Variants in APBA1 observed in about 807,000 individuals in gnomAD.
APBA1 encodes amyloid-beta A4 precursor protein-binding family A member 1.
A neutral mutation model predicts 86.6 loss-of-function variants in APBA1; 55 were observed. The ratio of observed to expected loss-of-function variants is 0.64; its 90% confidence interval spans 0.51 to 0.80. The LOEUF is 0.80. APBA1 is among the 30% of genes least tolerant of loss of function. The pLI is 0.00. For synonymous variants in APBA1, 511 were observed against 493.9 expected, an observed-to-expected ratio of 1.03 and a Z score of -0.46; for missense variants, 1,090 against 1,183.0, an observed-to-expected ratio of 0.92 and a Z score of 1.15.
At chr9:69,518,139 C>T (rs375771778) in intron 1 of APBA1, among the ~76,000 whole-genome samples, 7 of 152,252 alleles carry the variant, frequency 4.6e-5, no homozygotes, top group East Asian at 1.9e-4. Context: ...AAATATCCAA[C>T]ACAATACAAC....
At chr9:69,565,990 C>A (rs868750593) in intron 1 of APBA1, among the ~76,000 whole-genome samples, 1 of 152,220 alleles carries the variant, frequency 6.6e-6, no homozygotes, top group Non-Finnish European at 1.5e-5. Context: ...ACCGACCAAC[C>A]CAGTTTCATC....
At chr9:69,441,863 A>C (rs909385748) in intron 10 of APBA1, among the ~76,000 whole-genome samples, 2 of 152,208 alleles carry the variant, frequency 1.3e-5, no homozygotes, top group Non-Finnish European at 2.9e-5. Context: ...ATCTTCGACT[A>C]TAAAAAGGAA....
chr9:69,516,479 G>A lies in APBA1; in HGVS notation c.732C>T (p.Gly244=), dbSNP rs201766437. 10 of 1,600,004 alleles carry A rather than the reference G, an allele frequency of 6.2e-6. No individual in the cohort carries two copies. The highest frequency in any genetic ancestry group is 3.3e-5 in the South Asian group (3 of 90,830). ...CCTCCTTCTCGGGGCTGTCGGACTC[G>A]CCGTCGGAGCGCTCGTCGTAATGGT... The part of the protein sequence containing the change: ...RLHHYDERSD[G]ESDSPEKEAE... The change falls in exon 2 of 13, where the codon GGC becomes GGT. Residue 244 remains glycine, a synonymous_variant. Coordinates refer to ENST00000265381, the MANE Select transcript of APBA1 (RefSeq NM_001163.4). The surrounding 1 kb of genome is among the most constrained non-coding windows in gnomAD (Gnocchi z 7.3).
chr9:69,557,196 G>A (rs1477346964), intron 1 of APBA1, among the ~76,000 whole-genome samples: 2 of 152,126 alleles, frequency 1.3e-5, no homozygotes, highest in African/African-American at 4.8e-5. Flanking sequence ...TAATCTTCCT[G>A]ATAAAGCCTG....
chr9:69,614,237 T>C (rs1024491044), intron 1 of APBA1, among the ~76,000 whole-genome samples: 1 of 152,196 alleles, frequency 6.6e-6, no homozygotes, highest in African/African-American at 2.4e-5. Flanking sequence ...TTCCCCAGCA[T>C]CAAAATTCTA....
chr9:69,600,783 G>A (rs1329079680), intron 1 of APBA1, among the ~76,000 whole-genome samples: 1 of 149,486 alleles, frequency 6.7e-6, no homozygotes, highest in Non-Finnish European at 1.5e-5. Context: ...GGGCAACAGA[G>A]AAGACTTCGT....
intron 1 of APBA1, among the ~76,000 whole-genome samples, chr9:69,617,713 A>C (rs1822730871): frequency 6.6e-6 from 1 of 152,194 alleles, no homozygotes; most frequent in African/African-American, 2.4e-5. Context: ...ACAACTGTCA[A>C]CACCAAATTT....
chr9:69,483,210 G>A (rs887975860), intron 2 of APBA1, among the ~76,000 whole-genome samples: 6 of 151,372 alleles, frequency 4.0e-5, no homozygotes, highest in Middle Eastern at 3.4e-3. Flanking sequence ...GGAAGGCTGC[G>A]CTGCTTCACA....
rs1422137137 is a variant in APBA1 at position 69,467,832 on chromosome 9, G to C, written c.1473C>G (p.Ser491Arg). 1 of 1,614,046 alleles carries C rather than the reference G, an allele frequency of 6.2e-7. No homozygotes were observed. Among genetic ancestry groups the C allele is most frequent in the Non-Finnish European group, 8.5e-7 (1 of 1,180,024 alleles). ...ACCCAGATGTCCTCACCTTGATCCTGCTTACGGCTTCCTGGGCCTGCATCA... is the reference window on the plus strand; with the variant it reads ...ACCCAGATGTCCTCACCTTGATCCTCCTTACGGCTTCCTGGGCCTGCATCA... ...VRMMQAQEAV[S>R]RIKMAQKLAK... Residue 491 changes from serine (S) to arginine (R), a missense_variant, in exon 5 of 13, where the codon AGC (serine) becomes AGG (arginine). Ser to Arg is a moderately radical substitution (Grantham distance 110). This residue lies in a region of APBA1 where 76 missense variants were observed against 122.2 expected (regional missense o/e 0.62). Transcript: ENST00000265381.
intron 1 of APBA1, among the ~76,000 whole-genome samples, chr9:69,565,572 C>T (rs1473911975): frequency 6.6e-6 from 1 of 152,198 alleles, no homozygotes; most frequent in Non-Finnish European, 1.5e-5. Context: ...CTACTCCCAT[C>T]GCATTTCTCT....
rs1184781209 is a variant in APBA1 at position 69,517,230 on chromosome 9, A to C, written c.-20T>G. 5 of 1,448,386 alleles carry C rather than the reference A, an allele frequency of 3.5e-6. No homozygotes were observed. Among genetic ancestry groups the C allele is most frequent in the Non-Finnish European group, 4.5e-6 (5 of 1,100,828 alleles). The allele number at this position is 1,448,386 out of a possible 1,614,324, so 89.7% of individuals were successfully genotyped here. ...GTTCATGGTGGGAGTCGGAACGGCT[A>C]GGAGAGAAGCTGGGCCCGGCTCACT... On this transcript the variant is annotated 5_prime_UTR_variant, in exon 2 of 13. Transcript: ENST00000265381.
chr9:69,650,357 T>A (rs1055654721), intron 1 of APBA1, among the ~76,000 whole-genome samples: 1 of 152,352 alleles, frequency 6.6e-6, no homozygotes, highest in East Asian at 1.9e-4. Flanking sequence ...TGTTACTTGG[T>A]GTTTTAAAGA....
intron 1 of APBA1, among the ~76,000 whole-genome samples, chr9:69,547,429 C>T (rs1424379561): frequency 6.6e-6 from 1 of 152,134 alleles, no homozygotes; most frequent in Non-Finnish European, 1.5e-5. Flanking sequence ...CCCTAGAATC[C>T]CCATCTAGTG....
Position 69,456,273 on chromosome 9 carries a change from T to C in APBA1, c.1762A>G (p.Ile588Val). 1 of 1,614,210 alleles carries C rather than the reference T, an allele frequency of 6.2e-7. No individual in the cohort carries two copies. The highest frequency in any genetic ancestry group is 2.2e-5 in the East Asian group (1 of 44,886). ...SQDGKRQYKM[I>V]CHVFESEDAQ... ...TCCTCAGACTCGAAGACGTGGCAGATCATCTTGTACTGCCTTTTCCCATCC... is the reference window on the plus strand; with the variant it reads ...TCCTCAGACTCGAAGACGTGGCAGACCATCTTGTACTGCCTTTTCCCATCC... Residue 588 changes from isoleucine to valine, a missense_variant, in exon 8 of 13, where the codon ATC (isoleucine) becomes GTC (valine). Coordinates refer to ENST00000265381, the MANE Select transcript of APBA1 (RefSeq NM_001163.4).
chr9:69,640,894 G>A (rs1283230786), intron 1 of APBA1, among the ~76,000 whole-genome samples: 1 of 150,868 alleles, frequency 6.6e-6, no homozygotes, highest in Non-Finnish European at 1.5e-5. Context: ...CCTAGCCCAT[G>A]TAATAAGGAA....
Position 69,476,121 on chromosome 9 carries a change from GA to G in APBA1, c.1222del (p.Ser408ProfsTer48). 1 of 1,613,932 alleles carries G rather than the reference GA, an allele frequency of 6.2e-7. No homozygotes were observed. Reference sequence around the variant, plus strand: ...GCTTGATGACTCTGCACCCAAGGGGGAGGAGCTGCCAGGAGACGGAGACTAG... The same window carrying G: ...GCTTGATGACTCTGCACCCAAGGGGGGGAGCTGCCAGGAGACGGAGACTAG... The part of the protein sequence containing the change: ...DGDSPSPGSS[S>X]PLGAESSSTS... On this transcript the variant is annotated frameshift_variant, in exon 3 of 13. Transcript: ENST00000265381. LOFTEE classifies it high-confidence loss of function.
intron 1 of APBA1, among the ~76,000 whole-genome samples, chr9:69,617,354 T>C (rs1822721810): frequency 6.6e-6 from 1 of 152,096 alleles, no homozygotes; most frequent in Non-Finnish European, 1.5e-5. Flanking sequence ...GTGACTTCCA[T>C]AAGCTGAATA....
At chr9:69,631,362 T>C (rs1039932696) in intron 1 of APBA1, among the ~76,000 whole-genome samples, 3 of 152,128 alleles carry the variant, frequency 2.0e-5, no homozygotes, top group African/African-American at 7.2e-5. Context: ...TGAGATACCA[T>C]CTCACACCAG....
chr9:69,640,908 G>T (rs949492484), intron 1 of APBA1, among the ~76,000 whole-genome samples: 6 of 150,192 alleles, frequency 4.0e-5, no homozygotes, highest in Non-Finnish European at 7.4e-5. Context: ...TAAGGAAAGA[G>T]GAGAGGGGAG....
Sources: allele counts gnomAD v4.1 joint callset (sites outside exome capture counted in the v4.1 genomes callset), GRCh38; gene constraint gnomAD v4.1.1; regional missense constraint gnomAD v4.1.1; non-coding constraint Gnocchi (gnomAD v3.1); transcripts MANE v1.5; gene names NCBI Gene and HGNC (gene_info 2026-07-23, HGNC 2026-07-21).